GPRC6A: variants seen among roughly 807,000 people sequenced by gnomAD.
The protein encoded by GPRC6A is G protein-coupled receptor family C group 6 member A.
A neutral mutation model predicts 47.0 loss-of-function variants in GPRC6A; 54 were observed. That is an observed-to-expected ratio of 1.15 (90% confidence interval 0.92 to 1.44). The LOEUF (loss-of-function observed/expected upper bound fraction) is 1.44, where lower values mean the gene tolerates loss of function less well. Ranked by LOEUF, GPRC6A falls within the 40% of genes most tolerant of loss-of-function variation. The probability of loss-of-function intolerance (pLI) is 0.00; values close to 1 mark genes in which losing one functional copy is unlikely to be tolerated. For synonymous variants in GPRC6A, 347 were observed against 377.1 expected, an observed-to-expected ratio of 0.92 and a Z score of 0.93; for missense variants, 1,112 against 1,105.5, an observed-to-expected ratio of 1.01 and a Z score of -0.08.
At chr6:116,799,672 AGAG>A (rs1772599668) in intron 4 of GPRC6A, among the ~76,000 whole-genome samples, 1 of 152,214 alleles carries the variant, frequency 6.6e-6, no homozygotes, top group Non-Finnish European at 1.5e-5. Flanking sequence ...AAAGAGAAAT[AGAG>A]TATACAAAGA....
intron 1 of GPRC6A, among the ~76,000 whole-genome samples, chr6:116,812,521 CA>C (rs1773059607): frequency 6.6e-6 from 1 of 152,064 alleles, no homozygotes; most frequent in Non-Finnish European, 1.5e-5. Context: ...AAAAAGAAAA[CA>C]ACATAGAATA....
chr6:116,828,872 T>A lies in GPRC6A; in HGVS notation c.142A>T (p.Met48Leu). ...IGGLFAIHEK[M>L]LSSEDSPRRP... The stretch of plus-strand genomic sequence containing the variant: ...CTGGGAGAGTCTTCTGAGGACAACA[T>A]TTTTTCATGAATAGCAAACAAACCT... The change falls in exon 1 of 6, where the codon ATG becomes TTG. Residue 48 changes from methionine (M) to leucine (L), a missense_variant. Transcript: ENST00000310357. 6.2e-7 allele frequency: 1 copy of A among 1,613,064 alleles called. No homozygotes were observed. Among genetic ancestry groups the A allele is most frequent in the Non-Finnish European group, 8.5e-7 (1 of 1,179,346 alleles).
At chr6:116,820,485 C>T (rs970905603) in intron 1 of GPRC6A, among the ~76,000 whole-genome samples, 7 of 151,528 alleles carry the variant, frequency 4.6e-5, no homozygotes, top group African/African-American at 1.7e-4. Flanking sequence ...ACGAATCCAG[C>T]AGCACATCAA....
chr6:116,795,702 C>A lies in GPRC6A; in HGVS notation c.1672+10G>T. 1 of 1,599,734 alleles carries A rather than the reference C, an allele frequency of 6.3e-7. No homozygotes were observed. Among genetic ancestry groups the A allele is most frequent in the Non-Finnish European group, 8.5e-7 (1 of 1,171,128 alleles). ...AATGATTCAGGTGTATGTGGAGTGA[C>A]TGTGATTACCTGTCTGATTAGTGTA... is the stretch of plus-strand genomic sequence containing the variant. On this transcript the variant is annotated intron_variant, in intron 5 of 5. Transcript: ENST00000310357.
intron 3 of GPRC6A, among the ~76,000 whole-genome samples, chr6:116,803,789 T>C (rs1004663873): frequency 1.3e-5 from 2 of 152,104 alleles, no homozygotes; most frequent in South Asian, 2.1e-4. Flanking sequence ...TGCATTCACA[T>C]AGAGGTCATG....
intron 1 of GPRC6A, among the ~76,000 whole-genome samples, chr6:116,810,916 A>G (rs2114601832): frequency 6.6e-6 from 1 of 152,266 alleles, no homozygotes; most frequent in East Asian, 1.9e-4. Context: ...CAAGTGTCCC[A>G]AGAACCCAAG....
At chr6:116,816,073 C>A (rs1773195654) in intron 1 of GPRC6A, among the ~76,000 whole-genome samples, 1 of 152,228 alleles carries the variant, frequency 6.6e-6, no homozygotes, top group Non-Finnish European at 1.5e-5. Context: ...AGATGTAACA[C>A]ACTTTTATAT....
In GPRC6A at chr6:116,806,559, C is replaced by G. The variant is rs1428287145; in HGVS notation, c.1146G>C (p.Arg382Ser). 9.3e-6 allele frequency: 15 copies of G among 1,613,566 alleles called. No individual in the cohort carries two copies. The highest frequency in any genetic ancestry group is 1.1e-5 in the Non-Finnish European group (13 of 1,179,772). Residue 382 changes from arginine to serine, a missense_variant, in exon 3 of 6, where the codon AGG (arginine) becomes AGC (serine). Transcript: ENST00000310357. ...LSQCIFNHSQRTLAYKANKAI... is the reference protein window; with the variant it reads ...LSQCIFNHSQSTLAYKANKAI... The stretch of plus-strand genomic sequence containing the variant: ...CCTTGTTAGCCTTGTAGGCCAAAGT[C>G]CTTTGAGAATGATTGAATATGCATT...
chr6:116,792,417 C>G lies in GPRC6A; in HGVS notation c.2506G>C (p.Val836Leu). The G allele has an allele frequency of 6.2e-7, 1 of 1,613,980 alleles. No homozygotes were observed. Among genetic ancestry groups the G allele is most frequent in the Non-Finnish European group, 8.5e-7 (1 of 1,179,924 alleles). ...TTAATCTCTTGCTTACAAATAATAA[C>G]ATAGCATTTGGGGATGAATGTGCAA... Reference protein sequence around the residue: ...LYCTFIPKCYVIICKQEINTK... With the variant: ...LYCTFIPKCYLIICKQEINTK... The change falls in exon 6 of 6, where the codon GTT becomes CTT. Residue 836 changes from valine (V) to leucine (L), a missense_variant. Coordinates refer to ENST00000310357, the MANE Select transcript of GPRC6A (RefSeq NM_148963.4).
At position 116,825,091 on chromosome 6, in the gene GPRC6A, T is replaced by G. The variant is rs536667655; in HGVS notation, c.194+3729A>C. ...AGGCACAGATGGAACATACTTCAAA[T>G]TAATAAAGGCCATATATGACAAACC... On this transcript the variant is annotated intron_variant, in intron 1 of 5. Coordinates refer to ENST00000310357, the MANE Select transcript of GPRC6A (RefSeq NM_148963.4). Among the ~76,000 whole-genome samples the G allele has an allele frequency of 7.2e-5, 11 of 152,014 alleles. No homozygotes were observed. In the South Asian group the frequency reaches 2.3e-3, roughly 32 times the overall value.
intron 4 of GPRC6A, among the ~76,000 whole-genome samples, chr6:116,796,533 T>A (rs1373756518): frequency 2.6e-5 from 4 of 152,192 alleles, no homozygotes; most frequent in Non-Finnish European, 5.9e-5. Context: ...ACAGCATATC[T>A]TGTGAGAGAA....
chr6:116,823,713 A>T (rs950176225), intron 1 of GPRC6A, among the ~76,000 whole-genome samples: 30 of 152,118 alleles, frequency 2.0e-4, no homozygotes, highest in Non-Finnish European at 3.4e-4. Context: ...TAAAGAAAAG[A>T]GGTTTAATTG....
At chr6:116,809,086 C>G (rs1307273770) in intron 2 of GPRC6A, among the ~76,000 whole-genome samples, 2 of 152,200 alleles carry the variant, frequency 1.3e-5, no homozygotes, top group Admixed American at 1.3e-4. Flanking sequence ...CATTCCAACT[C>G]TGCACTTGCT....
chr6:116,807,161 A>G lies in GPRC6A; in HGVS notation c.544T>C (p.Phe182Leu), dbSNP rs1202138008. ...GGCACAGTCCGTAAAAATGAAGGAA[A>G]GCGAATTTTGTCACTCAGGATTTCT... Reference protein sequence around the residue: ...TAEILSDKIRFPSFLRTVPSD... With the variant: ...TAEILSDKIRLPSFLRTVPSD... Residue 182 changes from phenylalanine to leucine, a missense_variant, in exon 3 of 6, where the codon TTT becomes CTT. Coordinates refer to ENST00000310357, the MANE Select transcript of GPRC6A (RefSeq NM_148963.4). 5.0e-6 allele frequency: 8 copies of G among 1,613,486 alleles called. No homozygotes were observed. The highest frequency in any genetic ancestry group is 5.9e-6 in the Non-Finnish European group (7 of 1,179,654).
At chr6:116,800,351 CTT>C (rs1470907502) in intron 4 of GPRC6A, among the ~76,000 whole-genome samples, 2 of 129,200 alleles carry the variant, frequency 1.5e-5, no homozygotes, top group East Asian at 5.3e-4. Context: ...TTCTTTCCTT[CTT>C]TCTTTCTCTC....
At chr6:116,815,088 C>A (rs1294891690) in intron 1 of GPRC6A, among the ~76,000 whole-genome samples, 1 of 151,992 alleles carries the variant, frequency 6.6e-6, no homozygotes, top group Non-Finnish European at 1.5e-5. Context: ...CAAAAATTAC[C>A]AGATCTAAAA....
intron 1 of GPRC6A, among the ~76,000 whole-genome samples, chr6:116,824,259 A>G (rs1473462096): frequency 1.3e-5 from 2 of 151,800 alleles, no homozygotes; most frequent in African/African-American, 4.9e-5. Flanking sequence ...TAGCAGAGCT[A>G]AATGAAATAG....
intron 1 of GPRC6A, among the ~76,000 whole-genome samples, chr6:116,810,708 C>A (rs148651076): frequency 6.6e-6 from 1 of 151,362 alleles, no homozygotes; most frequent in Non-Finnish European, 1.5e-5. Flanking sequence ...AAACCCTGAA[C>A]AATAATATCC....
chr6:116,801,192 T>C (rs922442135), intron 3 of GPRC6A, among the ~76,000 whole-genome samples: 4 of 152,168 alleles, frequency 2.6e-5, no homozygotes, highest in African/African-American at 9.6e-5. Flanking sequence ...CTTAAGTTTG[T>C]TTCAATGATT....
Sources: gnomAD v4.1 joint callset for allele counts (sites outside exome capture counted in the v4.1 genomes callset) on GRCh38, gnomAD v4.1.1 for gene constraint, MANE v1.5 for transcripts, NCBI Gene and HGNC (gene_info 2026-07-23, HGNC 2026-07-21) for gene names.